The following ANGPT1 variants were observed in gnomAD, a reference collection of about 807,000 sequenced individuals.
ANGPT1 encodes angiopoietin 1.
ANGPT1 carries 17 observed loss-of-function variants against 62.2 expected under a neutral mutation model. That is an observed-to-expected ratio of 0.27 (90% CI 0.19 to 0.41). The LOEUF (loss-of-function observed/expected upper bound fraction) is 0.41. ANGPT1 is among the 10% of genes least tolerant of loss of function. The pLI, the probability that ANGPT1 is intolerant of heterozygous loss-of-function variation, is 1.00. For synonymous variants in ANGPT1, 199 were observed against 198.9 expected, an observed-to-expected ratio of 1.00 and a Z score of 0.00; for missense variants, 478 against 594.9, an observed-to-expected ratio of 0.80 and a Z score of 2.04.
At position 107,264,407 on chromosome 8, in the gene ANGPT1, C is replaced by T. The variant is rs763778868; in HGVS notation, c.1206-56G>A. On this transcript the variant is annotated intron_variant, in intron 7 of 8. Transcript: ENST00000517746. ...AGCCATTCGACAGAATAACAGAACC[C>T]AGAAGACCAGCTTGTTGAATGTTTG... The T allele has an allele frequency of 2.4e-5, 37 of 1,571,940 alleles. 1 individual carries two copies. The highest frequency in any genetic ancestry group is 3.7e-4 in the Middle Eastern group (2 of 5,462).
chr8:107,401,059 T>G (rs1038802715), intron 1 of ANGPT1, among the ~76,000 whole-genome samples: 4 of 152,196 alleles, frequency 2.6e-5, no homozygotes, highest in African/African-American at 4.8e-5. Flanking sequence ...TTTGGAAATG[T>G]GTTCCTGGTG....
intron 1 of ANGPT1, among the ~76,000 whole-genome samples, chr8:107,495,402 A>T (rs1317622463): frequency 6.6e-6 from 1 of 152,172 alleles, no homozygotes; most frequent in Non-Finnish European, 1.5e-5. Flanking sequence ...ACAAGAATCA[A>T]ATTTATTTTG....
At chr8:107,347,775 A>G (rs556784698) in intron 1 of ANGPT1, among the ~76,000 whole-genome samples, 1 of 152,304 alleles carries the variant, frequency 6.6e-6, no homozygotes, top group Admixed American at 6.5e-5. Context: ...TGCAAGCTCA[A>G]AAATAGGTAC....
intron 1 of ANGPT1, among the ~76,000 whole-genome samples, chr8:107,431,823 C>A (rs1811195050): frequency 6.6e-6 from 1 of 152,010 alleles, no homozygotes; most frequent in South Asian, 2.1e-4. Context: ...TAAACCAAGT[C>A]TTTGCAGATG....
In ANGPT1 at chr8:107,346,956, C is replaced by G; in HGVS notation, c.439G>C (p.Asp147His). 3 of 1,612,246 alleles carry G rather than the reference C, an allele frequency of 1.9e-6. No homozygotes were observed. Among genetic ancestry groups the G allele is most frequent in the Non-Finnish European group, 2.5e-6 (3 of 1,179,082 alleles). The change falls in exon 2 of 9, where the codon GAT (aspartate) becomes CAT (histidine). Residue 147 changes from aspartate (D) to histidine (H), a missense_variant. Transcript: ENST00000517746. ...QTAEQTRKLTDVETQVLNQTS... is the reference protein window; with the variant it reads ...QTAEQTRKLTHVETQVLNQTS... ...CTGGGGTGTACCTGGGTCTCAACAT[C>G]TGTCAGCTTTCTGGTCTGCTCTGCA...
intron 2 of ANGPT1, among the ~76,000 whole-genome samples, chr8:107,336,801 T>A (rs150978345): frequency 2.6e-5 from 4 of 151,898 alleles, no homozygotes; most frequent in Non-Finnish European, 5.9e-5. Context: ...TTAGGACTTC[T>A]GTGTCCTAAA....
chr8:107,303,414 T>C, intron 4 of ANGPT1, 47 bp from the exon 5 acceptor site: 1 of 1,506,634 alleles, frequency 6.6e-7, no homozygotes. Context: ...ATCAGTACCA[T>C]TAGTAGCCAA....
intron 1 of ANGPT1, among the ~76,000 whole-genome samples, chr8:107,449,909 C>T (rs1811725037): frequency 6.6e-6 from 1 of 152,146 alleles, no homozygotes; most frequent in Non-Finnish European, 1.5e-5. Context: ...GTTAGACTTG[C>T]CTTCTCTCAA....
Position 107,321,968 on chromosome 8 carries a change from C to T in ANGPT1, c.736G>A (p.Val246Ile), listed in dbSNP as rs2130062364. The T allele has an allele frequency of 1.2e-6, 2 of 1,614,014 alleles. No individual in the cohort carries two copies. The highest frequency in any genetic ancestry group is 2.2e-5 in the South Asian group (2 of 91,082). Residue 246 changes from valine (V) to isoleucine (I), a missense_variant, in exon 4 of 9, where the codon GTC becomes ATC. Coordinates refer to ENST00000517746, the MANE Select transcript of ANGPT1 (RefSeq NM_001146.5). ...QLNRATTNNS[V>I]LQKQQLELMD... ...AGCTCCAGTTGCTGCTTCTGAAGGACACTGTTGTTGGTGGTAGCTCTGTTT... is the reference window on the plus strand; with the variant it reads ...AGCTCCAGTTGCTGCTTCTGAAGGATACTGTTGTTGGTGGTAGCTCTGTTT...
rs927423041 is a variant in ANGPT1 at position 107,317,716 on chromosome 8, C to T, written c.808+4180G>A. Among the ~76,000 whole-genome samples, 6 of 151,406 alleles carry T rather than the reference C, an allele frequency of 4.0e-5. No individual in the cohort carries two copies. The East Asian group carries it at 7.8e-4, about 20-fold the overall frequency. ...CGTGATCTCAGCTCACTGCAACCTT[C>T]GCCTCCTGGGTTCAAGCAATTCTCC... On this transcript the variant is annotated intron_variant, in intron 4 of 8. Coordinates refer to ENST00000517746, the MANE Select transcript of ANGPT1 (RefSeq NM_001146.5).
intron 4 of ANGPT1, among the ~76,000 whole-genome samples, chr8:107,321,619 T>C (rs1379900104): frequency 6.6e-6 from 1 of 152,164 alleles, no homozygotes; most frequent in Non-Finnish European, 1.5e-5. Flanking sequence ...CACGACAGTA[T>C]CACAGATTTT....
intron 1 of ANGPT1, among the ~76,000 whole-genome samples, chr8:107,443,431 G>C (rs1026867268): frequency 6.4e-4 from 98 of 152,004 alleles, no homozygotes; most frequent in African/African-American, 2.3e-3. Flanking sequence ...TATTTTCTCG[G>C]GTCAAAAATT....
intron 1 of ANGPT1, among the ~76,000 whole-genome samples, chr8:107,466,844 C>T (rs978477268): frequency 2.0e-5 from 3 of 151,694 alleles, no homozygotes; most frequent in Non-Finnish European, 2.9e-5. Flanking sequence ...CCCAGGAGGC[C>T]GAGGTTGCAG....
chr8:107,458,896 G>A (rs902610303), intron 1 of ANGPT1, among the ~76,000 whole-genome samples: 1 of 151,892 alleles, frequency 6.6e-6, no homozygotes, highest in Admixed American at 6.6e-5. Flanking sequence ...ACAAAACTAG[G>A]GCCCCAAAAG....
At chr8:107,492,160 G>C (rs1156975924) in intron 1 of ANGPT1, among the ~76,000 whole-genome samples, 1 of 152,152 alleles carries the variant, frequency 6.6e-6, no homozygotes. Context: ...TTGAAAATCA[G>C]AGGTCTATTC....
chr8:107,297,973 G>C (rs748514842), intron 5 of ANGPT1, among the ~76,000 whole-genome samples: 1 of 151,814 alleles, frequency 6.6e-6, no homozygotes, highest in Admixed American at 6.6e-5. Context: ...AGTATTGTGT[G>C]GTCTGTGCTA....
At chr8:107,424,805 A>G (rs935465454) in intron 1 of ANGPT1, among the ~76,000 whole-genome samples, 1 of 152,268 alleles carries the variant, frequency 6.6e-6, no homozygotes, top group African/African-American at 2.4e-5. Flanking sequence ...AAATTAAGCC[A>G]TAATAATTCA....
chr8:107,483,777 C>T (rs1812746095), intron 1 of ANGPT1, among the ~76,000 whole-genome samples: 1 of 152,018 alleles, frequency 6.6e-6, no homozygotes, highest in South Asian at 2.1e-4. Context: ...TGTTCCTGAA[C>T]AAAAATACAG....
intron 1 of ANGPT1, among the ~76,000 whole-genome samples, chr8:107,350,150 T>C (rs973333709): frequency 1.3e-5 from 2 of 152,194 alleles, no homozygotes; most frequent in African/African-American, 2.4e-5. Context: ...CTAGTTTATA[T>C]TCTGGTGCAA....
Sources: allele counts gnomAD v4.1 joint callset (sites outside exome capture counted in the v4.1 genomes callset), GRCh38; gene constraint gnomAD v4.1.1; transcripts MANE v1.5; gene names NCBI Gene and HGNC (gene_info 2026-07-23, HGNC 2026-07-21).